The following DNAH11 variants were observed in gnomAD, a reference collection of about 807,000 sequenced individuals.
The protein encoded by DNAH11 is axonemal beta dynein heavy chain 11.
A neutral mutation model predicts 526.0 loss-of-function variants in DNAH11; 442 were observed. That is an observed-to-expected ratio of 0.84 (90% confidence interval 0.78 to 0.91). The LOEUF (loss-of-function observed/expected upper bound fraction) is 0.91, where lower values mean the gene tolerates loss of function less well. DNAH11 is among the 40% of genes least tolerant of loss of function. The pLI, the probability that DNAH11 is intolerant of heterozygous loss-of-function variation, is 0.00. For missense variants in DNAH11, 6,989 were observed against 5,448.7 expected (o/e 1.28, Z -8.90); for synonymous variants, 2,461 against 1,935.9 (o/e 1.27, Z -7.12).
At position 21,710,435 on chromosome 7, in the gene DNAH11, A is replaced by G. The variant is rs116169228; in HGVS notation, c.6684-118A>G. On this transcript the variant is annotated intron_variant, in intron 40 of 81. Transcript: ENST00000409508. Reference sequence around the variant, plus strand: ...ATGTGTGGCTGAAAAGGTGTTACACACTGCCCGCAAGAAAGAGGCAGCAAA... The same window carrying G: ...ATGTGTGGCTGAAAAGGTGTTACACGCTGCCCGCAAGAAAGAGGCAGCAAA... The G allele has an allele frequency of 3.4e-3, 2,723 of 808,918 alleles. 54 individuals carry two copies. The African/African-American group carries it at 0.044, about 13-fold the overall frequency. 50.1% of individuals were successfully genotyped at this position (808,918 alleles called of 1,614,324 possible).
rs373342289 is a variant in DNAH11 at position 21,765,526 on chromosome 7, G to A, written c.9039G>A (p.Ala3013=). Residue 3013 remains alanine (A), a synonymous_variant, in exon 55 of 82, where the codon GCG becomes GCA. Transcript: ENST00000409508. ...VNCTAIDWFH[A]WPQEALVSVS... ...GCACGGCTATTGACTGGTTTCATGC[G>A]TGGCCGCAGGAGGCTCTGGTCTCCG... is the stretch of plus-strand genomic sequence containing the variant. The A allele has an allele frequency of 1.5e-5, 24 of 1,613,566 alleles. 1 individual carries two copies. The Middle Eastern group carries it at 4.9e-4, about 33-fold the overall frequency.
At chr7:21,618,120 C>G (rs1465970033) in intron 23 of DNAH11, 1 of 168,328 alleles carries the variant, frequency 5.9e-6, no homozygotes, top group Non-Finnish European at 1.3e-5. Flanking sequence ...AAGGACAGAC[C>G]TAGCTCCCTG....
At chr7:21,777,630 T>C (rs1202084762) in intron 56 of DNAH11, among the ~76,000 whole-genome samples, 1 of 152,182 alleles carries the variant, frequency 6.6e-6, no homozygotes, top group African/African-American at 2.4e-5. Context: ...TGTAGTGATA[T>C]GGTGGTTTTA....
At position 21,564,078 on chromosome 7, in the gene DNAH11, T is replaced by C. The variant is rs1222360831; in HGVS notation, c.983-108T>C. On this transcript the variant is annotated intron_variant, in intron 5 of 81. Coordinates refer to ENST00000409508, the MANE Select transcript of DNAH11 (RefSeq NM_001277115.2). ...ATATAAAAGGAACTATGACAACATT[T>C]AAGTGTGGCCATGTTGTTTTACGTG... 1.4e-5 allele frequency: 10 copies of C among 720,602 alleles called. No homozygotes were observed. In the East Asian group the frequency reaches 2.7e-4, roughly 19 times the overall value. 44.6% of individuals were successfully genotyped at this position (720,602 alleles called of 1,614,324 possible).
At chr7:21,886,426 A>G (rs1025725262) in intron 76 of DNAH11, among the ~76,000 whole-genome samples, 13 of 152,320 alleles carry the variant, frequency 8.5e-5, no homozygotes, top group African/African-American at 2.2e-4. Flanking sequence ...AAAATGCACA[A>G]TGTTATGTAA....
At chr7:21,740,678 C>T (rs529652534) in intron 48 of DNAH11, among the ~76,000 whole-genome samples, 3 of 152,170 alleles carry the variant, frequency 2.0e-5, no homozygotes, top group South Asian at 2.1e-4. Flanking sequence ...AATGCTGCTG[C>T]GAACATGGAT....
intron 74 of DNAH11, among the ~76,000 whole-genome samples, chr7:21,875,877 C>CT (rs35349937): frequency 0.11 from 9,065 of 78,946 alleles, 1,353 homozygotes; most frequent in African/African-American, 0.26. Flanking sequence ...AAGAATATTT[C>CT]TTTTTTTTTT....
At chr7:21,600,466 C>T (rs368935759) in intron 15 of DNAH11, among the ~76,000 whole-genome samples, 1 of 151,546 alleles carries the variant, frequency 6.6e-6, no homozygotes, top group Non-Finnish European at 1.5e-5. Context: ...AAAACAAAAA[C>T]AAAACACAAA....
intron 28 of DNAH11, among the ~76,000 whole-genome samples, chr7:21,648,491 G>A (rs1302621427): frequency 6.6e-6 from 1 of 152,126 alleles, no homozygotes; most frequent in Non-Finnish European, 1.5e-5. Context: ...ACCCTAGCCT[G>A]CTGGATAATG....
chr7:21,645,573 G>A (rs538778631), intron 28 of DNAH11, among the ~76,000 whole-genome samples: 2 of 152,166 alleles, frequency 1.3e-5, no homozygotes, highest in Admixed American at 6.6e-5. Flanking sequence ...TGGAACTCAG[G>A]CCCCATTAAG....
chr7:21,855,131 ACTCCATT>A (rs1028825366), intron 68 of DNAH11, among the ~76,000 whole-genome samples: 2 of 146,344 alleles, frequency 1.4e-5, no homozygotes, highest in African/African-American at 5.2e-5. Context: ...TTCCGGGTTC[ACTCCATT>A]CTCCTGCCTC....
In DNAH11 at chr7:21,611,648, A is replaced by G. The variant is rs576763005; in HGVS notation, c.3853-3466A>G. ...ACTGCAGAATACCAAAAGCAAAAAT[A>G]TTTTCAAAGCAACCAGATAGAAAAG... On this transcript the variant is annotated intron_variant, in intron 20 of 81. Coordinates refer to ENST00000409508, the MANE Select transcript of DNAH11 (RefSeq NM_001277115.2). Among the ~76,000 whole-genome samples, 12 of 152,318 alleles carry G rather than the reference A, an allele frequency of 7.9e-5. 1 individual carries two copies. In the South Asian group the frequency reaches 2.5e-3, roughly 32 times the overall value.
Position 21,800,738 on chromosome 7 carries a change from G to A in DNAH11, c.10027-399G>A, listed in dbSNP as rs150038079. ...TATGAACCCAAAGAGAAAAGAATCC[G>A]TGGGTGGAGAAACCAAACAAGTCAC... On this transcript the variant is annotated intron_variant, in intron 61 of 81. Transcript: ENST00000409508. Among the ~76,000 whole-genome samples the A allele has an allele frequency of 5.0e-3, 769 of 152,302 alleles. 6 individuals are homozygous for A. Among genetic ancestry groups the A allele is most frequent in the African/African-American group, 0.017 (697 of 41,562 alleles).
At chr7:21,583,766 G>A (rs187258630) in intron 9 of DNAH11, among the ~76,000 whole-genome samples, 81 of 152,220 alleles carry the variant, frequency 5.3e-4, no homozygotes, top group African/African-American at 1.9e-3. Context: ...AAAAGTGGGC[G>A]AAAGACATGA....
intron 75 of DNAH11, among the ~76,000 whole-genome samples, chr7:21,882,161 T>C (rs1235822932): frequency 6.6e-6 from 1 of 152,160 alleles, no homozygotes; most frequent in South Asian, 2.1e-4. Flanking sequence ...CTGAATCCTA[T>C]ACACCATTGA....
intron 79 of DNAH11, among the ~76,000 whole-genome samples, chr7:21,897,462 C>T (rs1784559444): frequency 6.6e-6 from 1 of 152,128 alleles, no homozygotes; most frequent in Non-Finnish European, 1.5e-5. Flanking sequence ...TTATAAATGG[C>T]TTCATGTTTT....
At chr7:21,809,130 C>T (rs558396694) in intron 63 of DNAH11, among the ~76,000 whole-genome samples, 2 of 152,228 alleles carry the variant, frequency 1.3e-5, no homozygotes, top group African/African-American at 4.8e-5. Context: ...CCTGATGACT[C>T]GGTGATGTTG....
intron 42 of DNAH11, among the ~76,000 whole-genome samples, chr7:21,717,542 G>A (rs1784713014): frequency 1.3e-5 from 2 of 152,134 alleles, no homozygotes; most frequent in African/African-American, 4.8e-5. Flanking sequence ...TTTGGCTTCT[G>A]AGTGCTATTA....
intron 2 of DNAH11, among the ~76,000 whole-genome samples, chr7:21,547,206 G>C (rs1782836683): frequency 6.6e-6 from 1 of 152,192 alleles, no homozygotes; most frequent in Non-Finnish European, 1.5e-5. Context: ...TTAGCTGTTT[G>C]AGTTACGAAT....
Sources: allele counts gnomAD v4.1 joint callset (sites outside exome capture counted in the v4.1 genomes callset), GRCh38; gene constraint gnomAD v4.1.1; transcripts MANE v1.5; gene names NCBI Gene and HGNC (gene_info 2026-07-23, HGNC 2026-07-21).